HSD17B4: variants seen among roughly 807,000 people sequenced by gnomAD.
HSD17B4 encodes the protein peroxisomal multifunctional enzyme type 2.
Under a neutral mutation model 101.0 loss-of-function variants are expected in HSD17B4, and 70 were observed. The observed-to-expected ratio is 0.69, with a 90% CI of 0.57 to 0.85. HSD17B4 has a LOEUF of 0.85. Ranked by LOEUF, HSD17B4 falls within the 40% of genes least tolerant of loss-of-function variation. The probability of loss-of-function intolerance (pLI) is 0.00; values close to 1 mark genes in which losing one functional copy is unlikely to be tolerated. For missense variants in HSD17B4, 984 were observed against 892.4 expected, an observed-to-expected ratio of 1.10 and a Z score of -1.31; for synonymous variants, 347 against 297.1, an observed-to-expected ratio of 1.17 and a Z score of -1.73.
intron 11 of HSD17B4, among the ~76,000 whole-genome samples, chr5:119,495,038 G>GTTT (rs146081719): frequency 6.9e-6 from 1 of 145,214 alleles, no homozygotes. Context: ...ATGACTATTC[G>GTTT]GTTTTTTTTT....
chr5:119,530,871 CA>C (rs1341040897), intron 21 of HSD17B4, among the ~76,000 whole-genome samples: 1 of 93,494 alleles, frequency 1.1e-5, no homozygotes, highest in Non-Finnish European at 2.2e-5. Flanking sequence ...AAACAAAAAA[CA>C]AAAAAAACCC....
chr5:119,541,705 AATGATTTTTCTTTTTTTTAG>A (rs1349118790), intron 23 of HSD17B4, among the ~76,000 whole-genome samples, 180 bp from the exon 24 acceptor site: 1 of 149,940 alleles, frequency 6.7e-6, no homozygotes, highest in African/African-American at 2.5e-5. Flanking sequence ...AATACACAGG[AATGATTTTTCTTTTTTTTAG>A]ATGTCTAAAA....
chr5:119,536,031 G>C (rs1219161100), intron 22 of HSD17B4: 4 of 253,206 alleles, frequency 1.6e-5, no homozygotes, highest in Non-Finnish European at 2.3e-5. Flanking sequence ...AATAAATACA[G>C]AGCTAAAAAT....
intron 13 of HSD17B4, among the ~76,000 whole-genome samples, chr5:119,500,615 AT>A (rs1483480490): frequency 1.3e-5 from 2 of 152,020 alleles, no homozygotes; most frequent in Non-Finnish European, 2.9e-5. Flanking sequence ...CATTTACGTG[AT>A]GTTTAAATAC....
chr5:119,467,240 G>C (rs1471232893), intron 2 of HSD17B4, among the ~76,000 whole-genome samples: 1 of 152,188 alleles, frequency 6.6e-6, no homozygotes, highest in Non-Finnish European at 1.5e-5. Flanking sequence ...GCAGCTGTTG[G>C]ATCAAATGTT....
intron 22 of HSD17B4, chr5:119,535,991 G>A: frequency 4.5e-6 from 1 of 221,334 alleles, no homozygotes; most frequent in South Asian, 6.4e-5. Context: ...GACTGAAATT[G>A]TTATGGACTC....
At chr5:119,501,449 G>C (rs1019457181) in intron 13 of HSD17B4, among the ~76,000 whole-genome samples, 1 of 151,582 alleles carries the variant, frequency 6.6e-6, no homozygotes, top group South Asian at 2.1e-4. Context: ...TATATACCTT[G>C]GTGCATTCTT....
At chr5:119,536,734 C>T (rs1000597476) in intron 23 of HSD17B4, among the ~76,000 whole-genome samples, 184 bp downstream of exon 23, 1 of 152,034 alleles carries the variant, frequency 6.6e-6, no homozygotes, top group Non-Finnish European at 1.5e-5. Context: ...GGAGTTTCAC[C>T]TGACACTTTT....
At chr5:119,473,216 T>A (rs1211927057) in intron 2 of HSD17B4, among the ~76,000 whole-genome samples, 2 of 151,310 alleles carry the variant, frequency 1.3e-5, no homozygotes, top group African/African-American at 4.8e-5. Context: ...TCCTGTGTAT[T>A]TAATCTTAAA....
In HSD17B4 at chr5:119,492,736, T is replaced by A. The variant is rs1201872769; in HGVS notation, c.739+612T>A. 6 of 152,160 alleles carry A rather than the reference T, an allele frequency of 3.9e-5. No individual in the cohort carries two copies. The South Asian group carries it at 8.3e-4, about 21-fold the overall frequency. The allele number at this position is 152,160 out of a possible 1,614,324, so 9.4% of individuals were successfully genotyped here. ...AAATAACTATTTAAATTAAATATTT[T>A]AAATAGTTAAATAGTAAATTTACTT... is the stretch of plus-strand genomic sequence containing the variant. On this transcript the variant is annotated intron_variant, in intron 10 of 23. Transcript: ENST00000510025.
chr5:119,495,098 A>G (rs558703617), intron 11 of HSD17B4, among the ~76,000 whole-genome samples: 11 of 151,654 alleles, frequency 7.3e-5, no homozygotes, highest in Non-Finnish European at 1.6e-4. Flanking sequence ...TGAAATTTTC[A>G]TTATGCTTAT....
intron 22 of HSD17B4, 139 bp downstream of exon 22, chr5:119,531,543 A>G: frequency 1.3e-6 from 1 of 777,932 alleles, no homozygotes; most frequent in Non-Finnish European, 2.1e-6. Flanking sequence ...GTGGGAATGA[A>G]TAGGTTTGGG....
chr5:119,522,146 T>C (rs1753173997), intron 17 of HSD17B4, among the ~76,000 whole-genome samples: 1 of 152,004 alleles, frequency 6.6e-6, no homozygotes, highest in African/African-American at 2.4e-5. Context: ...CCAAGTGTTC[T>C]CATTATTCAA....
chr5:119,519,142 C>T (rs1752897991), intron 17 of HSD17B4, among the ~76,000 whole-genome samples: 1 of 151,962 alleles, frequency 6.6e-6, no homozygotes, highest in South Asian at 2.1e-4. Context: ...TGTCTCAAAA[C>T]AAAACAAAAC....
intron 2 of HSD17B4, among the ~76,000 whole-genome samples, chr5:119,462,165 C>T (rs1388962753): frequency 1.3e-5 from 2 of 149,970 alleles, no homozygotes; most frequent in Admixed American, 1.3e-4. Context: ...CATAGTCTTA[C>T]CATTTTTTGC....
At chr5:119,516,111 A>G (rs1262977722) in intron 17 of HSD17B4, among the ~76,000 whole-genome samples, 1 of 152,212 alleles carries the variant, frequency 6.6e-6, no homozygotes, top group Admixed American at 6.5e-5. Context: ...AGAGAGAATT[A>G]AAGTTGGTAC....
chr5:119,509,347 T>C (rs1580653300), intron 16 of HSD17B4, 103 bp downstream of exon 16: 13 of 809,684 alleles, frequency 1.6e-5, no homozygotes, highest in Non-Finnish European at 2.4e-5. Flanking sequence ...AGCCCACTTA[T>C]AGGCAAATTT....
At chr5:119,456,065 A>C (rs768486558) in intron 1 of HSD17B4, among the ~76,000 whole-genome samples, 4 of 152,160 alleles carry the variant, frequency 2.6e-5, no homozygotes, top group Non-Finnish European at 5.9e-5. Flanking sequence ...AATTCACAGC[A>C]TCCTAGCAGC....
intron 2 of HSD17B4, among the ~76,000 whole-genome samples, chr5:119,462,946 T>G (rs2126639667): frequency 6.6e-6 from 1 of 152,340 alleles, no homozygotes; most frequent in East Asian, 1.9e-4. Context: ...CCACTAGAAC[T>G]TATTCCTTCT....
Sources: allele counts gnomAD v4.1 joint callset (sites outside exome capture counted in the v4.1 genomes callset), GRCh38; gene constraint gnomAD v4.1.1; transcripts MANE v1.5; gene names NCBI Gene and HGNC (gene_info 2026-07-23, HGNC 2026-07-21).